The following PHLDB2 variants were observed in gnomAD, a reference collection of about 807,000 sequenced individuals.
PHLDB2 encodes pleckstrin homology-like domain family B member 2.
PHLDB2 carries 71 observed loss-of-function variants against 123.6 expected under a neutral mutation model. The observed-to-expected ratio is 0.57, with a 90% confidence interval of 0.47 to 0.70. The LOEUF is 0.70. Among genes scored for constraint, PHLDB2 ranks in the 30% least tolerant of loss-of-function variants. The pLI is 0.00. For missense variants in PHLDB2, 1,446 were observed against 1,519.5 expected, an observed-to-expected ratio of 0.95 and a Z score of 0.80; for synonymous variants, 547 against 541.6, an observed-to-expected ratio of 1.01 and a Z score of -0.14.
intron 2 of PHLDB2, among the ~76,000 whole-genome samples, chr3:111,851,545 C>A (rs879430919): frequency 6.6e-6 from 1 of 152,146 alleles, no homozygotes; most frequent in Non-Finnish European, 1.5e-5. Flanking sequence ...TGAGCAGCCT[C>A]GACTTGAGAC....
chr3:111,771,545 G>A (rs1173871989), intron 1 of PHLDB2, among the ~76,000 whole-genome samples: 1 of 151,918 alleles, frequency 6.6e-6, no homozygotes, highest in Non-Finnish European at 1.5e-5. Context: ...TTCACCACGT[G>A]GGCCAGACTG....
chr3:111,764,627 A>G (rs2060049056), intron 1 of PHLDB2, among the ~76,000 whole-genome samples: 1 of 152,228 alleles, frequency 6.6e-6, no homozygotes, highest in Admixed American at 6.5e-5. Flanking sequence ...TTTTCAGATT[A>G]TATGAAATTT....
intron 1 of PHLDB2, among the ~76,000 whole-genome samples, chr3:111,824,996 C>T (rs1158719390): frequency 6.6e-6 from 1 of 152,100 alleles, no homozygotes; most frequent in Non-Finnish European, 1.5e-5. Context: ...CTCATCTGCT[C>T]ACGTAAATAA....
intron 1 of PHLDB2, among the ~76,000 whole-genome samples, chr3:111,761,701 C>T (rs2059997605): frequency 6.6e-6 from 1 of 152,188 alleles, no homozygotes. Flanking sequence ...TGATTCAGTA[C>T]ATGTGGGTGG....
intron 1 of PHLDB2, among the ~76,000 whole-genome samples, chr3:111,804,725 A>G (rs1311512440): frequency 1.3e-5 from 2 of 152,108 alleles, no homozygotes; most frequent in African/African-American, 4.8e-5. Flanking sequence ...TTTTGGGGGG[A>G]AAACTTTGCT....
intron 2 of PHLDB2, among the ~76,000 whole-genome samples, chr3:111,893,344 A>G (rs7640773): frequency 0.6 from 91,578 of 151,474 alleles, 28,433 homozygotes; most frequent in East Asian, 0.94. Flanking sequence ...TGGCCCTTCC[A>G]TTTGCTACAT....
At chr3:111,806,507 CG>C (rs1559841238) in intron 1 of PHLDB2, among the ~76,000 whole-genome samples, 1 of 147,812 alleles carries the variant, frequency 6.8e-6, no homozygotes, top group Non-Finnish European at 1.5e-5. Flanking sequence ...TTTTTTGAGA[CG>C]GAGTCTCACT....
At chr3:111,749,884 TA>T (rs1157240970) in intron 1 of PHLDB2, among the ~76,000 whole-genome samples, 2 of 152,230 alleles carry the variant, frequency 1.3e-5, no homozygotes, top group African/African-American at 4.8e-5. Context: ...CATTTCATGG[TA>T]AATATTGAAG....
chr3:111,965,168 A>G (rs1433233124), intron 13 of PHLDB2, among the ~76,000 whole-genome samples: 3 of 152,186 alleles, frequency 2.0e-5, no homozygotes, highest in Non-Finnish European at 4.4e-5. Context: ...AGAGAACAGA[A>G]CTTACTCTTT....
In PHLDB2 at chr3:111,939,486, G is replaced by A; in HGVS notation, c.2142G>A (p.Leu714=). The A allele has an allele frequency of 6.2e-7, 1 of 1,612,560 alleles. No individual in the cohort carries two copies. The highest frequency in any genetic ancestry group is 8.5e-7 in the Non-Finnish European group (1 of 1,179,550). ...ACTTTTCTCCAAAGGATGCTGACCT[G>A]TTGGATGTTGAAAGCAAACACTTTG... ...LQQQLKRDAD[L]LDVESKHFED... The change falls in exon 7 of 18, where the codon CTG becomes CTA. Residue 714 remains leucine (L), a synonymous_variant. Coordinates refer to ENST00000431670, the MANE Select transcript of PHLDB2 (RefSeq NM_001134438.2).
chr3:111,755,509 A>T (rs1192958171), intron 1 of PHLDB2, among the ~76,000 whole-genome samples: 1 of 143,242 alleles, frequency 7.0e-6, no homozygotes, highest in East Asian at 2.0e-4. Flanking sequence ...CCCCTTTATC[A>T]TTTTTTATTG....
chr3:111,769,648 C>T (rs954721816), intron 1 of PHLDB2, among the ~76,000 whole-genome samples: 8 of 152,208 alleles, frequency 5.3e-5, no homozygotes, highest in Non-Finnish European at 1.2e-4. Flanking sequence ...TCAATTCCAA[C>T]ATTTTCCAGG....
chr3:111,873,425 G>A (rs141670286), intron 1 of PHLDB2, among the ~76,000 whole-genome samples: 2 of 152,180 alleles, frequency 1.3e-5, no homozygotes, highest in Admixed American at 6.5e-5. Flanking sequence ...TGGTTAAGTA[G>A]CATTTCCAAC....
intron 2 of PHLDB2, among the ~76,000 whole-genome samples, chr3:111,850,074 G>A (rs984837228): frequency 1.3e-5 from 2 of 151,780 alleles, no homozygotes; most frequent in Admixed American, 1.3e-4. Flanking sequence ...TGTTAGCCAG[G>A]ATGGTCTCGA....
chr3:111,844,459 C>A (rs952345458), intron 1 of PHLDB2, among the ~76,000 whole-genome samples: 1 of 152,216 alleles, frequency 6.6e-6, no homozygotes, highest in African/African-American at 2.4e-5. Flanking sequence ...AACTCTCTCT[C>A]CCCTGTACAC....
chr3:111,935,992 A>G (rs2069467372), intron 6 of PHLDB2, among the ~76,000 whole-genome samples: 3 of 152,166 alleles, frequency 2.0e-5, no homozygotes, highest in Non-Finnish European at 4.4e-5. Flanking sequence ...ATATTCCAAA[A>G]GTATGTAGTT....
intron 5 of PHLDB2, among the ~76,000 whole-genome samples, chr3:111,928,636 A>G (rs1559908072): frequency 6.6e-6 from 1 of 152,208 alleles, no homozygotes. Flanking sequence ...CTCACTATGG[A>G]AGCAAATATA....
At chr3:111,949,923 T>C (rs2070595825) in intron 10 of PHLDB2, 15 of 976,134 alleles carry the variant, frequency 1.5e-5, no homozygotes, top group Non-Finnish European at 1.8e-5. Context: ...AGTTTGGGAA[T>C]GTTATTTTGA....
intron 8 of PHLDB2, 30 bp downstream of exon 8, chr3:111,940,675 A>G: frequency 6.8e-6 from 9 of 1,328,232 alleles, no homozygotes; most frequent in Non-Finnish European, 9.3e-6. Context: ...CACTGGCTAC[A>G]GTAAAACATA....
Sources: allele counts gnomAD v4.1 joint callset (sites outside exome capture counted in the v4.1 genomes callset), GRCh38; gene constraint gnomAD v4.1.1; transcripts MANE v1.5; gene names NCBI Gene and HGNC (gene_info 2026-07-23, HGNC 2026-07-21).